AUH: variants seen among roughly 807,000 people sequenced by gnomAD.
AUH encodes the protein methylglutaconyl-CoA hydratase, mitochondrial.
AUH carries 29 observed loss-of-function variants against 42.3 expected under a neutral mutation model. That is an observed-to-expected ratio of 0.69 (90% CI 0.51 to 0.93). The LOEUF is 0.93. Among genes scored for constraint, AUH ranks in the 40% least tolerant of loss-of-function variants. The pLI, the probability that AUH is intolerant of heterozygous loss-of-function variation, is 0.00. For synonymous variants in AUH, 174 were observed against 166.4 expected (o/e 1.05, Z -0.35); for missense variants, 452 against 438.1 (o/e 1.03, Z -0.28).
intron 6 of AUH, among the ~76,000 whole-genome samples, chr9:91,275,750 T>C (rs1012407396): frequency 6.6e-6 from 1 of 152,228 alleles, no homozygotes; most frequent in African/African-American, 2.4e-5. Context: ...GAAATGCTAG[T>C]GATCAAGTGT....
At chr9:91,271,172 T>C (rs1825093913) in intron 6 of AUH, among the ~76,000 whole-genome samples, 1 of 152,252 alleles carries the variant, frequency 6.6e-6, no homozygotes, top group Non-Finnish European at 1.5e-5. Context: ...GACATTTGTT[T>C]GTTTGCTAGA....
intron 4 of AUH, among the ~76,000 whole-genome samples, chr9:91,310,850 A>G (rs758255926): frequency 6.6e-6 from 1 of 152,200 alleles, no homozygotes; most frequent in South Asian, 2.1e-4. Flanking sequence ...TTTGATTCCA[A>G]TATCAAACCT....
rs576357273 is a variant in AUH, at chr9:91,305,646, T to C, written c.506-7570A>G. Among the ~76,000 whole-genome samples the C allele has an allele frequency of 9.2e-5, 14 of 152,326 alleles. No homozygotes were observed. In the South Asian group the frequency reaches 2.9e-3, roughly 32 times the overall value. ...CTTTCTATATATACGCTTATGTATCTAGCAAATACTTAAAAAGTTTTTACT... is the reference window on the plus strand; with the variant it reads ...CTTTCTATATATACGCTTATGTATCCAGCAAATACTTAAAAAGTTTTTACT... On this transcript the variant is annotated intron_variant, in intron 4 of 9. Coordinates refer to ENST00000375731, the MANE Select transcript of AUH (RefSeq NM_001698.3).
intron 3 of AUH, among the ~76,000 whole-genome samples, chr9:91,344,461 G>C (rs758272412): frequency 5.3e-5 from 8 of 152,176 alleles, no homozygotes; most frequent in Non-Finnish European, 1.2e-4. Flanking sequence ...ACATTCTCAT[G>C]ATCTCCTGGG....
At chr9:91,305,327 C>T (rs1469940832) in intron 4 of AUH, among the ~76,000 whole-genome samples, 1 of 152,196 alleles carries the variant, frequency 6.6e-6, no homozygotes, top group East Asian at 1.9e-4. Flanking sequence ...CAAGCCAGAA[C>T]ATCACAGACA....
chr9:91,356,159 G>A lies in AUH; in HGVS notation c.263-4C>T, dbSNP rs1832401952. ...TTTATTCCAAGCACCACAATTCCTA[G>A]TTAAAGGGGAAAAAAAGTACAAGCA... On this transcript the variant is annotated splice_polypyrimidine_tract_variant and splice_region_variant and intron_variant, in intron 1 of 9. Coordinates refer to ENST00000375731, the MANE Select transcript of AUH (RefSeq NM_001698.3). 6.2e-7 allele frequency: 1 copy of A among 1,612,896 alleles called. No homozygotes were observed. The highest frequency in any genetic ancestry group is 8.5e-7 in the Non-Finnish European group (1 of 1,179,374).
Position 91,347,212 on chromosome 9 carries a change from T to TTTTGTTTGTTTGTTTG in AUH, c.418+8655_418+8670dup, listed in dbSNP as rs145405829. 1.9e-3 allele frequency among the ~76,000 whole-genome samples: 286 copies of TTTTGTTTGTTTGTTTG among 150,180 alleles called. 1 individual carries two copies. The highest frequency in any genetic ancestry group is 8.3e-3 in the East Asian group (42 of 5,064). Reference sequence around the variant, plus strand: ...GCCACCACACCCAGTTAAGAGGGTTTTTTGTTTGTTTGTTTGTTTGTTTGT... The same window carrying TTTTGTTTGTTTGTTTG: ...GCCACCACACCCAGTTAAGAGGGTTTTTTGTTTGTTTGTTTGTTTGTTTGTTTGTTTGTTTGTTTGT... On this transcript the variant is annotated intron_variant, in intron 3 of 9. Transcript: ENST00000375731.
intron 6 of AUH, among the ~76,000 whole-genome samples, chr9:91,228,357 T>G (rs1438118658): frequency 1.3e-5 from 2 of 151,490 alleles, no homozygotes; most frequent in Admixed American, 6.6e-5. Context: ...GTTTGTAGTA[T>G]TCTCTGATGG....
intron 3 of AUH, among the ~76,000 whole-genome samples, chr9:91,341,186 AC>A (rs966624118): frequency 6.6e-6 from 1 of 152,108 alleles, no homozygotes; most frequent in Non-Finnish European, 1.5e-5. Context: ...TGCAGGAAGG[AC>A]CCCTTCCAGC....
At chr9:91,309,234 T>C (rs1828509060) in intron 4 of AUH, among the ~76,000 whole-genome samples, 1 of 151,856 alleles carries the variant, frequency 6.6e-6, no homozygotes, top group Admixed American at 6.6e-5. Context: ...TCCACTCCCA[T>C]GACTCCAACA....
chr9:91,342,504 G>A (rs1831183295), intron 3 of AUH, among the ~76,000 whole-genome samples: 1 of 152,216 alleles, frequency 6.6e-6, no homozygotes, highest in African/African-American at 2.4e-5. Flanking sequence ...AAATAGCAGA[G>A]TGATGTGATC....
In AUH at chr9:91,283,765, C is replaced by G. The variant is rs183201873; in HGVS notation, c.655+12256G>C. 7.6e-4 allele frequency among the ~76,000 whole-genome samples: 116 copies of G among 152,072 alleles called. No individual in the cohort carries two copies. The East Asian group carries it at 0.016, about 21-fold the overall frequency. ...GAATCCAACTTACAAGGGATGTGAA[C>G]GACCTCTTCAAGGAGAACTACAAAC... On this transcript the variant is annotated intron_variant, in intron 6 of 9. Transcript: ENST00000375731.
intron 4 of AUH, among the ~76,000 whole-genome samples, chr9:91,308,886 G>A (rs1003086075): frequency 1.3e-5 from 2 of 151,466 alleles, no homozygotes; most frequent in Non-Finnish European, 2.9e-5. Flanking sequence ...CGCCTCCCAG[G>A]TTCAAGCGAT....
At chr9:91,320,972 T>C (rs892143297) in intron 4 of AUH, among the ~76,000 whole-genome samples, 1 of 152,252 alleles carries the variant, frequency 6.6e-6, no homozygotes, top group Non-Finnish European at 1.5e-5. Context: ...TTTATCCATA[T>C]CATTTTATGT....
intron 8 of AUH, among the ~76,000 whole-genome samples, chr9:91,216,438 C>CAA (rs1826824543): frequency 2.3e-5 from 3 of 130,670 alleles, no homozygotes; most frequent in Non-Finnish European, 3.3e-5. Flanking sequence ...CTTTATGTCG[C>CAA]GACACACACA....
At chr9:91,235,972 G>A (rs144476782) in intron 6 of AUH, among the ~76,000 whole-genome samples, 5 of 152,254 alleles carry the variant, frequency 3.3e-5, no homozygotes, top group Non-Finnish European at 5.9e-5. Flanking sequence ...TCCTGAAGAC[G>A]CCTTACTCTG....
intron 1 of AUH, among the ~76,000 whole-genome samples, chr9:91,360,735 G>A (rs991689341): frequency 1.3e-5 from 2 of 152,116 alleles, no homozygotes; most frequent in African/African-American, 4.8e-5. Flanking sequence ...CTAATAACCA[G>A]GATCTGCTTC....
At chr9:91,228,872 G>C (rs1157656051) in intron 6 of AUH, among the ~76,000 whole-genome samples, 1 of 152,220 alleles carries the variant, frequency 6.6e-6, no homozygotes, top group Non-Finnish European at 1.5e-5. Context: ...TTTTGAGTGA[G>C]ATTCTTAATC....
chr9:91,361,688 T>G lies in AUH; in HGVS notation c.202A>C (p.Ser68Arg), dbSNP rs925147265. 6.4e-7 allele frequency: 1 copy of G among 1,571,264 alleles called. No individual in the cohort carries two copies. The highest frequency in any genetic ancestry group is 8.6e-7 in the Non-Finnish European group (1 of 1,158,446). Reference protein sequence around the residue: ...AGGPAPKRGYSSEMKTEDELR... With the variant: ...AGGPAPKRGYRSEMKTEDELR... ...TCGTCCTCCGTCTTCATCTCAGAGC[T>G]GTAGCCCCTTTTCGGGGCGGGACCC... Residue 68 changes from serine (S) to arginine (R), a missense_variant, in exon 1 of 10, where the codon AGC (serine) becomes CGC (arginine). Transcript: ENST00000375731.
Sources: gnomAD v4.1 joint callset for allele counts (sites outside exome capture counted in the v4.1 genomes callset) on GRCh38, gnomAD v4.1.1 for gene constraint, MANE v1.5 for transcripts, NCBI Gene and HGNC (gene_info 2026-07-23, HGNC 2026-07-21) for gene names.